Variants in PRELID2 observed in about 807,000 individuals in gnomAD.
PRELID2 encodes PRELI domain containing 2, also known as PRELI domain-containing protein 2.
In PRELID2, 25 loss-of-function variants were observed where a neutral mutation model predicts 28.4. The observed-to-expected ratio is 0.88, with a 90% CI of 0.64 to 1.23. PRELID2 has a LOEUF of 1.23. Among genes scored for constraint, PRELID2 ranks in the 50% most tolerant of loss-of-function variants. The pLI, the probability that PRELID2 is intolerant of heterozygous loss-of-function variation, is 0.00. For missense variants in PRELID2, 201 were observed against 214.4 expected, an observed-to-expected ratio of 0.94 and a Z score of 0.39; for synonymous variants, 76 against 71.6, an observed-to-expected ratio of 1.06 and a Z score of -0.31.
At chr5:145,445,006 C>A in the PRELID2 span, among the ~76,000 whole-genome samples, 3 of 151,998 alleles carry the variant, frequency 2.0e-5, no homozygotes, top group African/African-American at 7.2e-5. Flanking sequence ...CAATGACATT[C>A]TTCACAGAAA....
the PRELID2 span, among the ~76,000 whole-genome samples, chr5:145,370,667 G>A: frequency 3.9e-5 from 6 of 152,032 alleles, no homozygotes; most frequent in Non-Finnish European, 7.4e-5. Flanking sequence ...GAATGTCTAT[G>A]GTAGTTTAAT....
intron 1 of PRELID2, among the ~76,000 whole-genome samples, chr5:145,543,273 C>T (rs1752759941): frequency 6.6e-6 from 1 of 152,096 alleles, no homozygotes; most frequent in African/African-American, 2.4e-5. Flanking sequence ...TGCCATATTG[C>T]CAGCACTTAA....
chr5:145,769,121 A>C (rs755177664), intron 5 of PRELID2, among the ~76,000 whole-genome samples: 5 of 152,232 alleles, frequency 3.3e-5, no homozygotes, highest in African/African-American at 4.8e-5. Context: ...ATGATGCCTG[A>C]AATGCAGAAC....
chr5:145,420,448 A>T, the PRELID2 span, among the ~76,000 whole-genome samples: 1 of 149,618 alleles, frequency 6.7e-6, no homozygotes, highest in Non-Finnish European at 1.5e-5. Context: ...GGTCCTTCAC[A>T]TCCCTTGTAA....
At chr5:145,707,579 T>G (rs187257187) in intron 1 of PRELID2, among the ~76,000 whole-genome samples, 1 of 152,252 alleles carries the variant, frequency 6.6e-6, no homozygotes, top group Non-Finnish European at 1.5e-5. Flanking sequence ...GCCTTTAGAA[T>G]TGACAATTTT....
chr5:145,693,761 G>C (rs529957130), intron 1 of PRELID2, among the ~76,000 whole-genome samples: 2 of 152,240 alleles, frequency 1.3e-5, no homozygotes, highest in South Asian at 4.1e-4. Context: ...TTGAAAGAGT[G>C]AGACTCTATC....
At chr5:145,365,503 T>C in the PRELID2 span, among the ~76,000 whole-genome samples, 7 of 152,048 alleles carry the variant, frequency 4.6e-5, no homozygotes, top group South Asian at 6.2e-4. Flanking sequence ...CATGTGTGGG[T>C]ATTTAAAAAG....
the PRELID2 span, among the ~76,000 whole-genome samples, chr5:145,427,815 G>C: frequency 6.6e-6 from 1 of 152,276 alleles, no homozygotes. Context: ...ATGAAGTTTA[G>C]ATTAGACGAT....
chr5:145,346,436 T>C, the PRELID2 span, among the ~76,000 whole-genome samples: 1 of 152,146 alleles, frequency 6.6e-6, no homozygotes, highest in African/African-American at 2.4e-5. Flanking sequence ...AGTAACATCA[T>C]TTAAGGAAAA....
chr5:145,273,285 C>T, the PRELID2 span, among the ~76,000 whole-genome samples: 1 of 152,118 alleles, frequency 6.6e-6, no homozygotes, highest in African/African-American at 2.4e-5. Flanking sequence ...TTCAGATGTT[C>T]CTCTCTGGCT....
At chr5:145,270,234 C>G in the PRELID2 span, among the ~76,000 whole-genome samples, 3 of 152,040 alleles carry the variant, frequency 2.0e-5, no homozygotes, top group Admixed American at 6.6e-5. Context: ...AGCAATTACT[C>G]TTGTATTTAT....
chr5:145,380,356 T>C, the PRELID2 span, among the ~76,000 whole-genome samples: 3 of 152,158 alleles, frequency 2.0e-5, no homozygotes, highest in African/African-American at 7.2e-5. Context: ...CTTGGTGCCT[T>C]CCCTCTGAAG....
intron 1 of PRELID2, among the ~76,000 whole-genome samples, chr5:145,719,293 T>C (rs1002883046): frequency 6.6e-6 from 1 of 151,860 alleles, no homozygotes; most frequent in Non-Finnish European, 1.5e-5. Flanking sequence ...TGAAAAAATT[T>C]AACAAGAAGA....
chr5:145,300,712 T>G, the PRELID2 span, among the ~76,000 whole-genome samples: 1 of 150,680 alleles, frequency 6.6e-6, no homozygotes, highest in Non-Finnish European at 1.5e-5. Flanking sequence ...TTTTTTTTTT[T>G]TTTTTGCAGT....
At chr5:145,295,828 A>G in the PRELID2 span, among the ~76,000 whole-genome samples, 3 of 152,216 alleles carry the variant, frequency 2.0e-5, no homozygotes, top group African/African-American at 7.2e-5. Context: ...CAAAACAAGT[A>G]GACAATGTAA....
chr5:145,617,377 C>A (rs1484324062), intron 1 of PRELID2, among the ~76,000 whole-genome samples: 1 of 152,138 alleles, frequency 6.6e-6, no homozygotes, highest in African/African-American at 2.4e-5. Flanking sequence ...TAAAGACAGG[C>A]GTAAGAAATT....
intron 1 of PRELID2, among the ~76,000 whole-genome samples, chr5:145,648,639 T>C (rs1213488622): frequency 6.6e-6 from 1 of 151,392 alleles, no homozygotes; most frequent in Non-Finnish European, 1.5e-5. Context: ...TTTTTTGTAT[T>C]ATCCTCCCTG....
intron 1 of PRELID2, among the ~76,000 whole-genome samples, chr5:145,723,585 A>G (rs1410778351): frequency 6.6e-6 from 1 of 152,256 alleles, no homozygotes; most frequent in Non-Finnish European, 1.5e-5. Flanking sequence ...ATAGTCCTTA[A>G]TCATATGAAA....
the PRELID2 span, among the ~76,000 whole-genome samples, chr5:145,261,273 C>T: frequency 6.6e-6 from 1 of 152,166 alleles, no homozygotes; most frequent in Non-Finnish European, 1.5e-5. Context: ...AGCTCTGTGG[C>T]CCTGACCAGA....
Sources: allele counts gnomAD v4.1 joint callset (sites outside exome capture counted in the v4.1 genomes callset), GRCh38; gene constraint gnomAD v4.1.1; transcripts MANE v1.5; gene names NCBI Gene and HGNC (gene_info 2026-07-23, HGNC 2026-07-21).